Variants in IL1RAPL1 observed in about 807,000 individuals in gnomAD.
The protein encoded by IL1RAPL1 is interleukin 1 receptor accessory protein like 1, also known as interleukin-1 receptor accessory protein-like 1.
In IL1RAPL1, 3 loss-of-function variants were observed where a neutral mutation model predicts 48.4. The observed-to-expected ratio is 0.06, with a 90% CI of 0.03 to 0.16. The LOEUF (loss-of-function observed/expected upper bound fraction) is 0.16, where lower values mean the gene tolerates loss of function less well. Ranked by LOEUF, IL1RAPL1 falls within the 10% of genes least tolerant of loss-of-function variation. The pLI, the probability that IL1RAPL1 is intolerant of heterozygous loss-of-function variation, is 1.00. For missense variants in IL1RAPL1, 349 were observed against 530.6 expected (o/e 0.66, Z 3.36); for synonymous variants, 185 against 187.7 (o/e 0.99, Z 0.12).
chrX:28,675,638 C>T (rs1022283113), intron 1 of IL1RAPL1, among the ~76,000 whole-genome samples: 6 of 111,382 alleles, frequency 5.4e-5, no homozygotes, highest in African/African-American at 1.6e-4. Flanking sequence ...TATAACATTG[C>T]GCATAATATA....
chrX:29,444,015 C>T (rs757906603), intron 5 of IL1RAPL1, among the ~76,000 whole-genome samples: 4 of 112,142 alleles, frequency 3.6e-5, no homozygotes, highest in Non-Finnish European at 7.5e-5. Context: ...TAGATTTTAC[C>T]TTATGTTAGA....
At chrX:28,962,676 A>G (rs1924812385) in intron 2 of IL1RAPL1, among the ~76,000 whole-genome samples, 1 of 111,779 alleles carries the variant, frequency 8.9e-6, no homozygotes, top group African/African-American at 3.2e-5. Flanking sequence ...AGCATGTGTT[A>G]TACTGCACAG....
rs1168445842 is a variant in IL1RAPL1 at position 29,956,145 on chromosome X, GTTT to G, written c.*328_*330del. The G allele has an allele frequency of 3.3e-5, 8 of 241,460 alleles. No homozygotes were observed. Among genetic ancestry groups the G allele is most frequent in the Non-Finnish European group, 5.1e-5 (7 of 138,007 alleles). The allele number at this position is 241,460 out of a possible 1,213,427, so 19.9% of individuals were successfully genotyped here. ...CTTCATTAGTTTAGTTTTAGAATGG[GTTT>G]TTATTTTATTTCCTTTTTTAAAATT... On this transcript the variant is annotated 3_prime_UTR_variant, in exon 11 of 11. Transcript: ENST00000378993.
chrX:29,605,993 C>T (rs892351179), intron 5 of IL1RAPL1, among the ~76,000 whole-genome samples: 25 of 111,829 alleles, frequency 2.2e-4, no homozygotes, highest in African/African-American at 7.2e-4. Context: ...GAAGTGTTTT[C>T]TCCGTAGTAA....
intron 2 of IL1RAPL1, among the ~76,000 whole-genome samples, chrX:29,061,763 G>T (rs1280993330): frequency 8.9e-6 from 1 of 112,649 alleles, no homozygotes; most frequent in Non-Finnish European, 1.9e-5. Flanking sequence ...CTGGCCACGT[G>T]TTTTACATCT....
chrX:28,787,379 G>A (rs1374997857), intron 1 of IL1RAPL1, among the ~76,000 whole-genome samples: 1 of 111,361 alleles, frequency 9.0e-6, no homozygotes, highest in Non-Finnish European at 1.9e-5. Context: ...TAGTGTGGTG[G>A]CTGGGAAATG....
intron 6 of IL1RAPL1, among the ~76,000 whole-genome samples, chrX:29,720,196 G>A (rs993554864): frequency 6.3e-5 from 7 of 111,501 alleles, no homozygotes; most frequent in Non-Finnish European, 1.1e-4. Flanking sequence ...ACAGTGTGGC[G>A]ATTCCTCAAG....
At chrX:28,917,767 C>T (rs1923522271) in intron 2 of IL1RAPL1, among the ~76,000 whole-genome samples, 1 of 111,897 alleles carries the variant, frequency 8.9e-6, no homozygotes, top group African/African-American at 3.3e-5. Flanking sequence ...TGTGGTATAC[C>T]ATACGTAACA....
At chrX:29,040,632 T>A (rs1216399373) in intron 2 of IL1RAPL1, among the ~76,000 whole-genome samples, 1 of 112,268 alleles carries the variant, frequency 8.9e-6, no homozygotes, top group Non-Finnish European at 1.9e-5. Flanking sequence ...CCATGAATTA[T>A]TACTCTAAAA....
At chrX:29,048,451 T>C (rs754745547) in intron 2 of IL1RAPL1, among the ~76,000 whole-genome samples, 3 of 112,118 alleles carry the variant, frequency 2.7e-5, no homozygotes, top group Non-Finnish European at 5.6e-5. Context: ...TCAAGGAGTC[T>C]TTCACAGGCT....
intron 2 of IL1RAPL1, among the ~76,000 whole-genome samples, chrX:28,832,822 A>ATTTTTTTTTTTTTTTT (rs199869467): frequency 1.2e-5 from 1 of 80,421 alleles, no homozygotes; most frequent in African/African-American, 4.9e-5. Flanking sequence ...ATTTTTTTCA[A>ATTTTTTTTTTTTTTTT]TTTTTTTTTT....
intron 1 of IL1RAPL1, among the ~76,000 whole-genome samples, chrX:28,640,295 C>T (rs916846659): frequency 6.3e-5 from 7 of 111,207 alleles, no homozygotes; most frequent in Non-Finnish European, 1.3e-4. Flanking sequence ...ATATGCCAAG[C>T]CATATATTAG....
chrX:28,693,006 A>G (rs1935195953), intron 1 of IL1RAPL1, among the ~76,000 whole-genome samples: 1 of 112,194 alleles, frequency 8.9e-6, no homozygotes, highest in African/African-American at 3.2e-5. Context: ...AGGTGAAAGT[A>G]TTGTAATAGC....
At chrX:29,022,964 G>A (rs1926405716) in intron 2 of IL1RAPL1, among the ~76,000 whole-genome samples, 1 of 112,125 alleles carries the variant, frequency 8.9e-6, no homozygotes, top group Admixed American at 9.5e-5. Flanking sequence ...ACACTTGTTA[G>A]CATAATCAAT....
intron 6 of IL1RAPL1, among the ~76,000 whole-genome samples, chrX:29,868,622 A>G (rs1490562594): frequency 8.9e-6 from 1 of 112,567 alleles, no homozygotes; most frequent in Non-Finnish European, 1.9e-5. Flanking sequence ...TAACAAACAG[A>G]CAGCAGAATG....
chrX:29,491,521 G>A (rs189027324), intron 5 of IL1RAPL1, among the ~76,000 whole-genome samples: 1 of 112,164 alleles, frequency 8.9e-6, no homozygotes, highest in Admixed American at 9.5e-5. Flanking sequence ...TAATTGTATA[G>A]AACAAGTAAA....
chrX:29,746,894 C>T (rs993864884), intron 6 of IL1RAPL1, among the ~76,000 whole-genome samples: 2 of 112,413 alleles, frequency 1.8e-5, no homozygotes, highest in Admixed American at 9.4e-5. Context: ...AGGCGTGATC[C>T]GCTGCACCCA....
Position 29,449,388 on chromosome X carries a change from G to C in IL1RAPL1, c.703+50080G>C, listed in dbSNP as rs746602281. 4.5e-5 allele frequency among the ~76,000 whole-genome samples: 5 copies of C among 111,144 alleles called. No individual in the cohort carries two copies. The South Asian group carries it at 1.2e-3, about 26-fold the overall frequency. On this transcript the variant is annotated intron_variant, in intron 5 of 10. Transcript: ENST00000378993. ...TCTGTCTATCTGAGTGAATGAGAGA[G>C]TGAAGAGGCAGGGAGAGAGAGCATA...
chrX:29,760,518 C>G (rs749564026), intron 6 of IL1RAPL1, among the ~76,000 whole-genome samples: 3 of 111,950 alleles, frequency 2.7e-5, no homozygotes, highest in Non-Finnish European at 5.6e-5. Flanking sequence ...ATTAAACTTA[C>G]TTGTGACTCT....
Sources: gnomAD v4.1 joint callset for allele counts (sites outside exome capture counted in the v4.1 genomes callset) on GRCh38, gnomAD v4.1.1 for gene constraint, MANE v1.5 for transcripts, NCBI Gene and HGNC (gene_info 2026-07-23, HGNC 2026-07-21) for gene names.